Variants in ABTB2 observed in about 807,000 individuals in gnomAD.
ABTB2 encodes the protein ankyrin repeat and BTB/POZ domain-containing protein 2.
In ABTB2, 56 loss-of-function variants were observed where a neutral mutation model predicts 104.1. The observed-to-expected ratio is 0.54, with a 90% CI of 0.43 to 0.67. The LOEUF is 0.67. Ranked by LOEUF, ABTB2 falls within the 30% of genes least tolerant of loss-of-function variation. The pLI, the probability that ABTB2 is intolerant of heterozygous loss-of-function variation, is 0.00. For synonymous variants in ABTB2, 606 were observed against 608.2 expected (o/e 1.00, Z 0.05); for missense variants, 1,279 against 1,407.7 (o/e 0.91, Z 1.46).
chr11:34,310,527 C>T (rs564780119), intron 1 of ABTB2, among the ~76,000 whole-genome samples: 36 of 152,172 alleles, frequency 2.4e-4, no homozygotes, highest in Non-Finnish European at 4.0e-4. Context: ...ACCTATCCCT[C>T]CAGCCAGAGC....
chr11:34,191,988 C>A (rs1853181424), intron 3 of ABTB2, among the ~76,000 whole-genome samples: 2 of 152,134 alleles, frequency 1.3e-5, no homozygotes, highest in Non-Finnish European at 2.9e-5. Context: ...TGTCCTAGGC[C>A]CTGTTCTAAA....
intron 2 of ABTB2, among the ~76,000 whole-genome samples, chr11:34,199,613 C>T (rs966618493): frequency 1.3e-5 from 2 of 152,144 alleles, no homozygotes; most frequent in Non-Finnish European, 2.9e-5. Context: ...TTAATTCCAG[C>T]CCATATTCCC....
chr11:34,342,901 T>C (rs1055507677), intron 1 of ABTB2, among the ~76,000 whole-genome samples: 1 of 152,104 alleles, frequency 6.6e-6, no homozygotes, highest in African/African-American at 2.4e-5. Context: ...AATAACATCT[T>C]ATGGTGTCAC....
intron 3 of ABTB2, among the ~76,000 whole-genome samples, chr11:34,182,062 AG>A (rs1853035213): frequency 6.6e-6 from 1 of 152,192 alleles, no homozygotes; most frequent in South Asian, 2.1e-4. Flanking sequence ...AAAGATGCCA[AG>A]CTTTTCCTAA....
chr11:34,207,896 C>T (rs1378329732), intron 1 of ABTB2, among the ~76,000 whole-genome samples: 1 of 152,180 alleles, frequency 6.6e-6, no homozygotes, highest in Non-Finnish European at 1.5e-5. Flanking sequence ...AAAGTAAGGC[C>T]CAGAAGTAGG....
chr11:34,201,479 G>A (rs1264705018), intron 2 of ABTB2, among the ~76,000 whole-genome samples: 2 of 152,174 alleles, frequency 1.3e-5, no homozygotes, highest in Non-Finnish European at 2.9e-5. Flanking sequence ...TGCGGGTAGA[G>A]AGGGACAAAG....
At chr11:34,164,615 G>A (rs1852771613) in intron 9 of ABTB2, 71 bp downstream of exon 9, 7 of 1,382,970 alleles carry the variant, frequency 5.1e-6, no homozygotes. Flanking sequence ...CTCCCATCGG[G>A]GAAACTGAGG....
intron 3 of ABTB2, among the ~76,000 whole-genome samples, chr11:34,175,827 C>T (rs1286679855): frequency 1.3e-5 from 2 of 152,238 alleles, no homozygotes; most frequent in Non-Finnish European, 2.9e-5. Context: ...GGACACACCA[C>T]CAGCACTCAT....
intron 1 of ABTB2, among the ~76,000 whole-genome samples, chr11:34,271,547 T>C (rs1442975868): frequency 6.6e-6 from 1 of 152,142 alleles, no homozygotes; most frequent in Non-Finnish European, 1.5e-5. Flanking sequence ...GAGACTACCC[T>C]GGGCAACACA....
chr11:34,173,313 G>GAGGCAGAGAGA lies in ABTB2; in HGVS notation c.1245-7_1245-6insTCTCTCTGCCT. On this transcript the variant is annotated splice_polypyrimidine_tract_variant and splice_region_variant and intron_variant, in intron 3 of 16. Coordinates refer to ENST00000435224, the MANE Select transcript of ABTB2 (RefSeq NM_145804.3). ...GCGGCAGCAGCATGAAGGGCCTGTG[G>GAGGCAGAGAGA]GGCAGCAGAGAGAGGGTCAGGCCTG... 6.9e-6 allele frequency: 11 copies of GAGGCAGAGAGA among 1,585,296 alleles called. No individual in the cohort carries two copies. Among genetic ancestry groups the GAGGCAGAGAGA allele is most frequent in the Non-Finnish European group, 9.4e-6 (11 of 1,165,086 alleles).
intron 1 of ABTB2, among the ~76,000 whole-genome samples, chr11:34,348,467 G>A (rs574662405): frequency 2.0e-5 from 3 of 152,072 alleles, no homozygotes; most frequent in Admixed American, 2.0e-4. Context: ...CAACACATAT[G>A]CGTTGGCTTC....
intron 1 of ABTB2, among the ~76,000 whole-genome samples, chr11:34,328,433 C>A (rs1230837682): frequency 2.6e-5 from 4 of 152,166 alleles, no homozygotes; most frequent in Non-Finnish European, 5.9e-5. Context: ...GGCTGCCTAA[C>A]CTCCCCAAGC....
At chr11:34,250,721 G>C (rs1401659404) in intron 1 of ABTB2, among the ~76,000 whole-genome samples, 3 of 152,198 alleles carry the variant, frequency 2.0e-5, no homozygotes, top group Non-Finnish European at 2.9e-5. Flanking sequence ...CTGAGAGAGA[G>C]AGCACCAACC....
rs561345382 is a variant in ABTB2, at chr11:34,188,681, G to C, written c.1244+8644C>G. ...TAACATTGCAAATCTTCTTGAAATG[G>C]TATTTAAGGAACTCAGAAGTCAGTA... is the stretch of plus-strand genomic sequence containing the variant. On this transcript the variant is annotated intron_variant, in intron 3 of 16. Coordinates refer to ENST00000435224, the MANE Select transcript of ABTB2 (RefSeq NM_145804.3). Among the ~76,000 whole-genome samples, 3 of 152,310 alleles carry C rather than the reference G, an allele frequency of 2.0e-5. No homozygotes were observed. In the South Asian group the frequency reaches 6.2e-4, roughly 32 times the overall value.
At chr11:34,233,093 G>A (rs1853793525) in intron 1 of ABTB2, among the ~76,000 whole-genome samples, 1 of 151,982 alleles carries the variant, frequency 6.6e-6, no homozygotes, top group Non-Finnish European at 1.5e-5. Context: ...TAGGGAGGTA[G>A]CTGTTTGCTA....
Position 34,198,790 on chromosome 11 carries a change from G to A in ABTB2, c.1031-1252C>T, listed in dbSNP as rs559044241. Among the ~76,000 whole-genome samples, 7 of 152,374 alleles carry A rather than the reference G, an allele frequency of 4.6e-5. No individual in the cohort carries two copies. The East Asian group carries it at 7.7e-4, about 17-fold the overall frequency. On this transcript the variant is annotated intron_variant, in intron 2 of 16. Coordinates refer to ENST00000435224, the MANE Select transcript of ABTB2 (RefSeq NM_145804.3). ...TGTGTGAGGCCACAATGCTGAGAAA[G>A]GATGGGCTGAAGGAGCCCTGGCACC... is the stretch of plus-strand genomic sequence containing the variant.
intron 3 of ABTB2, among the ~76,000 whole-genome samples, chr11:34,184,332 C>T (rs1413050069): frequency 1.3e-5 from 2 of 152,162 alleles, no homozygotes; most frequent in African/African-American, 2.4e-5. Context: ...CACGGCAGCC[C>T]GGGGCCAAGG....
chr11:34,302,830 T>G (rs1262188043), intron 1 of ABTB2, among the ~76,000 whole-genome samples: 1 of 152,162 alleles, frequency 6.6e-6, no homozygotes, highest in South Asian at 2.1e-4. Flanking sequence ...TTTAGTTCAT[T>G]ACCCAGATTC....
intron 1 of ABTB2, among the ~76,000 whole-genome samples, chr11:34,299,691 C>G (rs989471812): frequency 6.6e-6 from 1 of 152,230 alleles, no homozygotes; most frequent in Non-Finnish European, 1.5e-5. Context: ...GCTCAACTGA[C>G]AGCAACTACT....
Sources: allele counts gnomAD v4.1 joint callset (sites outside exome capture counted in the v4.1 genomes callset), GRCh38; gene constraint gnomAD v4.1.1; transcripts MANE v1.5; gene names NCBI Gene and HGNC (gene_info 2026-07-23, HGNC 2026-07-21).